Variants in GNB4 observed in about 807,000 individuals in gnomAD.
The protein encoded by GNB4 is G protein subunit beta 4.
Under a neutral mutation model 45.2 loss-of-function variants are expected in GNB4, and 28 were observed. The observed-to-expected ratio is 0.62, with a 90% CI of 0.46 to 0.85. GNB4 has a LOEUF of 0.85. GNB4 is among the 40% of genes least tolerant of loss of function. The pLI is 0.00. For missense variants in GNB4, 321 were observed against 425.4 expected (o/e 0.75, Z 2.16); for synonymous variants, 132 against 143.7 (o/e 0.92, Z 0.58).
Position 179,397,636 on chromosome 3 carries a change from T to A in GNB4, c.*3577A>T, listed in dbSNP as rs1021316840. 2 of 152,674 alleles carry A rather than the reference T, an allele frequency of 1.3e-5. No individual in the cohort carries two copies. The highest frequency in any genetic ancestry group is 2.9e-5 in the Non-Finnish European group (2 of 68,046). The allele number at this position is 152,674 out of a possible 1,614,324, so 9.5% of individuals were successfully genotyped here. A position where few individuals can be genotyped will look rare whatever the true frequency, so the allele number is the denominator to read the frequency against. On this transcript the variant is annotated 3_prime_UTR_variant, in exon 10 of 10. Coordinates refer to ENST00000232564, the MANE Select transcript of GNB4 (RefSeq NM_021629.4). ...TGTAATCACAAGTAAAAACTTGAGCTAGGGAGGAACCTTGGATATTCAGTC... is the reference window on the plus strand; with the variant it reads ...TGTAATCACAAGTAAAAACTTGAGCAAGGGAGGAACCTTGGATATTCAGTC...
intron 1 of GNB4, among the ~76,000 whole-genome samples, chr3:179,450,454 T>C (rs1317474668): frequency 6.6e-6 from 1 of 152,216 alleles, no homozygotes; most frequent in Non-Finnish European, 1.5e-5. Context: ...ATAAAAGTTC[T>C]AATCAACAAT....
At position 179,399,834 on chromosome 3, in the gene GNB4, A is replaced by C. The variant is rs1181793420; in HGVS notation, c.*1379T>G. 6.6e-6 allele frequency: 1 copy of C among 152,230 alleles called. No individual in the cohort carries two copies. Among genetic ancestry groups the C allele is most frequent in the Non-Finnish European group, 1.5e-5 (1 of 68,050 alleles). The allele number at this position is 152,230 out of a possible 1,614,324, so 9.4% of individuals were successfully genotyped here. A position where few individuals can be genotyped will look rare whatever the true frequency, so the allele number is the denominator to read the frequency against. ...ATAATCCAAGACTTTACCATCAAGC[A>C]AGACTAACAATCTTCTATTATCAGT... is the stretch of plus-strand genomic sequence containing the variant. On this transcript the variant is annotated 3_prime_UTR_variant, in exon 10 of 10. Transcript: ENST00000232564.
the GNB4 span, among the ~76,000 whole-genome samples, chr3:179,469,603 A>AT: frequency 6.6e-6 from 1 of 152,194 alleles, no homozygotes; most frequent in South Asian, 2.1e-4. Flanking sequence ...CACACCATAA[A>AT]ATAGCAATAG....
chr3:179,499,218 C>T, the GNB4 span, among the ~76,000 whole-genome samples: 3 of 141,550 alleles, frequency 2.1e-5, no homozygotes, highest in Admixed American at 7.6e-5. Flanking sequence ...AGTGCAGTGG[C>T]GCGATCTCAG....
the GNB4 span, among the ~76,000 whole-genome samples, chr3:179,514,720 T>G: frequency 2.0e-5 from 3 of 152,156 alleles, no homozygotes; most frequent in Non-Finnish European, 4.4e-5. Context: ...GGTGGCCACC[T>G]GCAAGCCAAG....
At chr3:179,459,743 A>G in the GNB4 span, among the ~76,000 whole-genome samples, 1 of 152,156 alleles carries the variant, frequency 6.6e-6, no homozygotes, top group Non-Finnish European at 1.5e-5. Context: ...CAACAGCTCC[A>G]CAACTGCTTT....
the GNB4 span, among the ~76,000 whole-genome samples, chr3:179,495,268 G>A: frequency 6.6e-6 from 1 of 151,628 alleles, no homozygotes; most frequent in Non-Finnish European, 1.5e-5. Context: ...CTGAGCTCAG[G>A]AGTTCAGGAC....
the GNB4 span, among the ~76,000 whole-genome samples, chr3:179,517,641 T>C: frequency 3.9e-5 from 6 of 152,216 alleles, no homozygotes; most frequent in African/African-American, 1.2e-4. Flanking sequence ...AAGCGGCCTC[T>C]CTTTACTCTC....
At chr3:179,521,801 T>C in the GNB4 span, among the ~76,000 whole-genome samples, 2 of 152,168 alleles carry the variant, frequency 1.3e-5, no homozygotes, top group East Asian at 1.9e-4. Flanking sequence ...TCTCATTCCA[T>C]TCTTTTTTAA....
intron 3 of GNB4, among the ~76,000 whole-genome samples, chr3:179,420,250 T>C (rs1437972247): frequency 2.0e-5 from 3 of 149,806 alleles, no homozygotes; most frequent in Non-Finnish European, 4.4e-5. Context: ...TGCCTCAGCC[T>C]ACCAAGTAGC....
intron 9 of GNB4, among the ~76,000 whole-genome samples, chr3:179,403,370 C>A (rs537898821): frequency 6.6e-6 from 1 of 151,448 alleles, no homozygotes; most frequent in African/African-American, 2.4e-5. Flanking sequence ...AATTCTTTCA[C>A]TAATAATAGC....
the GNB4 span, among the ~76,000 whole-genome samples, chr3:179,496,159 A>T: frequency 2.7e-4 from 41 of 152,348 alleles, no homozygotes; most frequent in African/African-American, 8.9e-4. Context: ...TCGCAATATG[A>T]AAAGTAAATT....
At chr3:179,419,340 T>G in intron 4 of GNB4, 59 bp downstream of exon 4, 1 of 1,048,408 alleles carries the variant, frequency 9.5e-7, no homozygotes. Flanking sequence ...CAAATGATGG[T>G]TCTTAATGAA....
the GNB4 span, among the ~76,000 whole-genome samples, chr3:179,486,635 A>T: frequency 6.6e-6 from 1 of 152,198 alleles, no homozygotes; most frequent in Non-Finnish European, 1.5e-5. Flanking sequence ...ACAAGTTTTG[A>T]TCCTGTTTCA....
chr3:179,489,198 A>T, the GNB4 span, among the ~76,000 whole-genome samples: 1 of 151,158 alleles, frequency 6.6e-6, no homozygotes, highest in Non-Finnish European at 1.5e-5. Context: ...GTCATGTTAT[A>T]CAATTTGTTT....
At chr3:179,433,230 T>A (rs1715355522) in intron 1 of GNB4, among the ~76,000 whole-genome samples, 2 of 151,520 alleles carry the variant, frequency 1.3e-5, no homozygotes. Context: ...ACCCCAAAGA[T>A]GAAGACAAAC....
chr3:179,441,053 T>C (rs1408449279), intron 1 of GNB4, among the ~76,000 whole-genome samples: 1 of 152,204 alleles, frequency 6.6e-6, no homozygotes, highest in Non-Finnish European at 1.5e-5. Flanking sequence ...TTTGACCTAC[T>C]GTCAATCTAA....
chr3:179,510,962 A>C, the GNB4 span, among the ~76,000 whole-genome samples: 1 of 152,150 alleles, frequency 6.6e-6, no homozygotes, highest in Non-Finnish European at 1.5e-5. Flanking sequence ...GGTCCTGCTC[A>C]CTAGCAGCCT....
At chr3:179,505,799 T>C in the GNB4 span, among the ~76,000 whole-genome samples, 12 of 152,324 alleles carry the variant, frequency 7.9e-5, no homozygotes, top group African/African-American at 2.6e-4. Flanking sequence ...AAGAATAGCA[T>C]GTCCCAGACA....
Sources: allele counts gnomAD v4.1 joint callset (sites outside exome capture counted in the v4.1 genomes callset), GRCh38; gene constraint gnomAD v4.1.1; transcripts MANE v1.5; gene names NCBI Gene and HGNC (gene_info 2026-07-23, HGNC 2026-07-21).